ULK4: variants seen among roughly 807,000 people sequenced by gnomAD.
ULK4 encodes the protein inactive serine/threonine-protein kinase ULK4.
Under a neutral mutation model 160.6 loss-of-function variants are expected in ULK4, and 133 were observed. The observed-to-expected ratio is 0.83, with a 90% confidence interval of 0.72 to 0.96. The LOEUF (loss-of-function observed/expected upper bound fraction) is 0.96. Among genes scored for constraint, ULK4 ranks in the 40% least tolerant of loss-of-function variants. The probability of loss-of-function intolerance (pLI) is 0.00; values close to 1 mark genes in which losing one functional copy is unlikely to be tolerated. For synonymous variants in ULK4, 534 were observed against 539.8 expected (o/e 0.99, Z 0.15); for missense variants, 1,580 against 1,499.5 (o/e 1.05, Z -0.89).
At chr3:41,566,230 C>T (rs1366707016) in intron 31 of ULK4, 100 bp from the exon 32 acceptor site, 3 of 980,920 alleles carry the variant, frequency 3.1e-6, no homozygotes, top group Non-Finnish European at 4.6e-6. Flanking sequence ...ATTCTTTGCA[C>T]AAGGTTAAAT....
chr3:41,458,599 TA>T (rs202053159), intron 33 of ULK4, among the ~76,000 whole-genome samples: 1 of 150,588 alleles, frequency 6.6e-6, no homozygotes, highest in Non-Finnish European at 1.5e-5. Context: ...TTCTTAGTAT[TA>T]AAAAAAAAGG....
chr3:41,301,047 G>A (rs949101848), intron 35 of ULK4, among the ~76,000 whole-genome samples: 6 of 151,196 alleles, frequency 4.0e-5, no homozygotes, highest in African/African-American at 1.5e-4. Flanking sequence ...AGCCCATGTG[G>A]ATGGAGCAGG....
chr3:41,279,255 T>TAAAAAAAAAAAAAAAAAAAAAAAAAAAAA (rs771175184), intron 35 of ULK4, among the ~76,000 whole-genome samples: 2 of 43,068 alleles, frequency 4.6e-5, no homozygotes, highest in Non-Finnish European at 8.5e-5. Context: ...AAAAAAAGAG[T>TAAAAAAAAAAAAAAAAAAAAAAAAAAAAA]AAAAAAAAAA....
chr3:41,261,234 A>G (rs1287303136), intron 35 of ULK4, among the ~76,000 whole-genome samples: 3 of 152,228 alleles, frequency 2.0e-5, no homozygotes, highest in Non-Finnish European at 4.4e-5. Context: ...AAGAAAGGAA[A>G]TTAACATTTC....
chr3:41,676,416 G>C (rs2035715933), intron 29 of ULK4, among the ~76,000 whole-genome samples: 5 of 152,122 alleles, frequency 3.3e-5, no homozygotes, highest in Admixed American at 3.3e-4. Flanking sequence ...GAGAAACCCT[G>C]AGCTTTAGAA....
intron 17 of ULK4, among the ~76,000 whole-genome samples, chr3:41,847,350 TG>T (rs2042094743): frequency 6.6e-6 from 1 of 152,240 alleles, no homozygotes; most frequent in South Asian, 2.1e-4. Context: ...AAAATATAGT[TG>T]TTAAACTTCC....
At chr3:41,800,076 C>T in intron 20 of ULK4, 56 bp downstream of exon 20, 1 of 1,410,854 alleles carries the variant, frequency 7.1e-7, no homozygotes, top group Non-Finnish European at 9.4e-7. Context: ...ATATTTTCTT[C>T]AAACTTGCTG....
intron 30 of ULK4, among the ~76,000 whole-genome samples, chr3:41,637,654 T>C (rs1272738010): frequency 4.6e-5 from 7 of 152,182 alleles, no homozygotes; most frequent in African/African-American, 9.6e-5. Flanking sequence ...TCCATTCCTG[T>C]CAACAATGTG....
chr3:41,878,907 C>T (rs1255022187), intron 17 of ULK4, among the ~76,000 whole-genome samples: 2 of 101,532 alleles, frequency 2.0e-5, no homozygotes, highest in African/African-American at 5.3e-5. Context: ...CAAGCCATCC[C>T]CCCAAAAAAA....
intron 21 of ULK4, among the ~76,000 whole-genome samples, chr3:41,758,945 A>G (rs1482970778): frequency 6.6e-6 from 1 of 152,192 alleles, no homozygotes; most frequent in Non-Finnish European, 1.5e-5. Context: ...AGCCATATCA[A>G]TTACTAATAA....
chr3:41,291,050 T>TTTTTTG (rs1003004676), intron 35 of ULK4, among the ~76,000 whole-genome samples: 11 of 149,190 alleles, frequency 7.4e-5, no homozygotes, highest in African/African-American at 2.8e-4. Flanking sequence ...GATGGGATTT[T>TTTTTTG]TTTTGTTTTT....
intron 29 of ULK4, among the ~76,000 whole-genome samples, chr3:41,675,574 A>G (rs1389984482): frequency 6.6e-6 from 1 of 152,176 alleles, no homozygotes; most frequent in Non-Finnish European, 1.5e-5. Context: ...TGGGTGACAG[A>G]GGGAGACTCT....
At position 41,333,990 on chromosome 3, in the gene ULK4, G is replaced by C. The variant is rs368191257; in HGVS notation, c.3678+64089C>G. On this transcript the variant is annotated intron_variant, in intron 35 of 36. Coordinates refer to ENST00000301831, the MANE Select transcript of ULK4 (RefSeq NM_017886.4). ...TAATACAACATCTTATTTATTATAAGATGTCAAGATCTTGAGAGGAGAATA... is the reference window on the plus strand; with the variant it reads ...TAATACAACATCTTATTTATTATAACATGTCAAGATCTTGAGAGGAGAATA... Among the ~76,000 whole-genome samples, 9 of 152,190 alleles carry C rather than the reference G, an allele frequency of 5.9e-5. 1 individual carries two copies. The highest frequency in any genetic ancestry group is 3.3e-4 in the Admixed American group (5 of 15,288).
rs765049042 is a variant in ULK4 at position 41,907,909 on chromosome 3, A to T, written c.1118T>A (p.Val373Glu). 6.2e-7 allele frequency: 1 copy of T among 1,608,090 alleles called. No individual in the cohort carries two copies. The highest frequency in any genetic ancestry group is 2.3e-5 in the East Asian group (1 of 44,318). Residue 373 changes from valine to glutamate, a missense_variant, in exon 12 of 37, where the codon GTG becomes GAG. Physicochemically the swap from Val to Glu is moderately radical, Grantham distance 121 (BLOSUM62 -2). Transcript: ENST00000301831. ...SRPTPRTSTA[V>E]EVSPGEDMTH... is the part of the protein sequence containing the mutation. ...CATATCCTCACCAGGACTTACTTCC[A>T]CTGCAGTGCTAGTTCTGGGAGTAGG...
At chr3:41,823,153 G>C (rs944788182) in intron 18 of ULK4, among the ~76,000 whole-genome samples, 1 of 152,188 alleles carries the variant, frequency 6.6e-6, no homozygotes, top group Admixed American at 6.5e-5. Flanking sequence ...ATCACTCAGA[G>C]ACAGGGAAAG....
intron 29 of ULK4, among the ~76,000 whole-genome samples, chr3:41,672,527 C>T (rs2035576350): frequency 6.6e-6 from 1 of 152,058 alleles, no homozygotes; most frequent in Admixed American, 6.6e-5. Context: ...TGGAATGATA[C>T]ATTCCAGACA....
intron 13 of ULK4, 49 bp from the exon 14 acceptor site, chr3:41,898,541 T>C (rs1042807236): frequency 3.4e-6 from 4 of 1,187,106 alleles, no homozygotes; most frequent in East Asian, 4.7e-5. Flanking sequence ...TTAAGATGGA[T>C]ATCTGTCTCC....
At chr3:41,487,189 A>G (rs2084569996) in intron 32 of ULK4, among the ~76,000 whole-genome samples, 1 of 152,158 alleles carries the variant, frequency 6.6e-6, no homozygotes, top group African/African-American at 2.4e-5. Flanking sequence ...AATATAACAC[A>G]TTATGTAAAG....
At chr3:41,727,394 C>G (rs961472552) in intron 22 of ULK4, among the ~76,000 whole-genome samples, 3 of 152,098 alleles carry the variant, frequency 2.0e-5, no homozygotes, top group Admixed American at 6.5e-5. Context: ...AACAAGCAAC[C>G]AGAAAATAGC....
Sources: gnomAD v4.1 joint callset for allele counts (sites outside exome capture counted in the v4.1 genomes callset) on GRCh38, gnomAD v4.1.1 for gene constraint, MANE v1.5 for transcripts, NCBI Gene and HGNC (gene_info 2026-07-23, HGNC 2026-07-21) for gene names.